Variants in PPM1H observed in about 807,000 individuals in gnomAD.
PPM1H encodes protein phosphatase 1H.
In PPM1H, 27 loss-of-function variants were observed where a neutral mutation model predicts 54.9. That is an observed-to-expected ratio of 0.49 (90% CI 0.36 to 0.68). PPM1H has a LOEUF of 0.68. Among genes scored for constraint, PPM1H ranks in the 30% least tolerant of loss-of-function variants. The pLI, the probability that PPM1H is intolerant of heterozygous loss-of-function variation, is 0.00. For missense variants in PPM1H, 596 were observed against 667.8 expected (o/e 0.89, Z 1.19); for synonymous variants, 305 against 270.8 (o/e 1.13, Z -1.24).
At chr12:62,894,448 T>C (rs1389472827) in intron 1 of PPM1H, among the ~76,000 whole-genome samples, 2 of 152,174 alleles carry the variant, frequency 1.3e-5, no homozygotes, top group Non-Finnish European at 2.9e-5. Context: ...TAGGGTTGTA[T>C]CAGAGAGTAG....
chr12:62,754,166 G>C (rs890851439), intron 4 of PPM1H, among the ~76,000 whole-genome samples: 1 of 152,234 alleles, frequency 6.6e-6, no homozygotes, highest in Non-Finnish European at 1.5e-5. Flanking sequence ...CATTGAAGAA[G>C]AGATGTGGCT....
intron 1 of PPM1H, among the ~76,000 whole-genome samples, chr12:62,932,099 TA>T (rs904292101): frequency 6.7e-6 from 1 of 149,216 alleles, no homozygotes; most frequent in African/African-American, 2.5e-5. Flanking sequence ...TTTTTTTTTT[TA>T]AATAGGTCTT....
chr12:62,673,713 C>CTTTTTT (rs1192243731), intron 8 of PPM1H, among the ~76,000 whole-genome samples: 2 of 47,568 alleles, frequency 4.2e-5, no homozygotes, highest in Non-Finnish European at 8.9e-5. Context: ...AGAAGAGCCA[C>CTTTTTT]TCTTTTTTTT....
intron 1 of PPM1H, among the ~76,000 whole-genome samples, chr12:62,848,529 T>C (rs1039835682): frequency 6.6e-6 from 1 of 152,214 alleles, no homozygotes; most frequent in Non-Finnish European, 1.5e-5. Context: ...TCTGGAGGAC[T>C]TCTTAAAACA....
intron 8 of PPM1H, among the ~76,000 whole-genome samples, chr12:62,671,326 G>T (rs935308875): frequency 6.6e-6 from 1 of 151,974 alleles, no homozygotes; most frequent in Non-Finnish European, 1.5e-5. Context: ...GCTCCTTCCC[G>T]GGTTCCCATC....
intron 1 of PPM1H, among the ~76,000 whole-genome samples, chr12:62,899,586 C>A (rs1871096300): frequency 6.6e-6 from 1 of 152,156 alleles, no homozygotes; most frequent in Admixed American, 6.5e-5. Flanking sequence ...TATTAAAGAG[C>A]TTTTATATGG....
chr12:62,794,597 G>A (rs541765580), intron 3 of PPM1H, among the ~76,000 whole-genome samples: 1 of 152,270 alleles, frequency 6.6e-6, no homozygotes, highest in South Asian at 2.1e-4. Context: ...TATGTCCAGA[G>A]CTCAAATCCC....
intron 1 of PPM1H, among the ~76,000 whole-genome samples, chr12:62,872,909 G>A (rs2121010892): frequency 6.6e-6 from 1 of 152,214 alleles, no homozygotes; most frequent in Non-Finnish European, 1.5e-5. Context: ...ACTACTTTCT[G>A]CATATAATAC....
chr12:62,766,911 C>A (rs750424852), intron 4 of PPM1H, among the ~76,000 whole-genome samples: 3 of 152,180 alleles, frequency 2.0e-5, no homozygotes, highest in Non-Finnish European at 4.4e-5. Context: ...TTCAGAAATA[C>A]CAAAAGGCAG....
At chr12:62,736,702 A>ATATC (rs2076351483) in intron 5 of PPM1H, among the ~76,000 whole-genome samples, 1 of 152,232 alleles carries the variant, frequency 6.6e-6, no homozygotes, top group Non-Finnish European at 1.5e-5. Context: ...CTAAGAGCAG[A>ATATC]TGGGCACTAC....
chr12:62,824,543 C>A (rs920313445), intron 2 of PPM1H, among the ~76,000 whole-genome samples: 1 of 152,108 alleles, frequency 6.6e-6, no homozygotes, highest in African/African-American at 2.4e-5. Context: ...GTACTGGTAC[C>A]AAAACAGAGA....
chr12:62,668,261 G>A (rs2075931788), intron 8 of PPM1H, among the ~76,000 whole-genome samples: 1 of 152,164 alleles, frequency 6.6e-6, no homozygotes, highest in African/African-American at 2.4e-5. Context: ...GGGTTTCACT[G>A]CTCTTCCCTC....
At position 62,647,389 on chromosome 12, in the gene PPM1H, A is replaced by C. The variant is rs2075791973; in HGVS notation, c.*1100T>G. ...GCTCCTTGACAGAACTCTGATCCTT[A>C]CACTTTGTTTGGAGTGGGCTTGGGG... On this transcript the variant is annotated 3_prime_UTR_variant, in exon 10 of 10. Coordinates refer to ENST00000228705, the MANE Select transcript of PPM1H (RefSeq NM_020700.2). 6.6e-6 allele frequency: 1 copy of C among 152,206 alleles called. No individual in the cohort carries two copies. Among genetic ancestry groups the C allele is most frequent in the African/African-American group, 2.4e-5 (1 of 41,466 alleles). The allele number at this position is 152,206 out of a possible 1,614,324, so 9.4% of individuals were successfully genotyped here. A position where few individuals can be genotyped will look rare whatever the true frequency, so the allele number is the denominator to read the frequency against.
intron 8 of PPM1H, among the ~76,000 whole-genome samples, chr12:62,671,079 T>G (rs1215262306): frequency 6.6e-6 from 1 of 152,124 alleles, no homozygotes; most frequent in Non-Finnish European, 1.5e-5. Context: ...TGACCTTCCC[T>G]CCCTGAAGCT....
rs1173229360 is a variant in PPM1H at position 62,658,182 on chromosome 12, A to ATTTTTTTT, written c.1397+8988_1397+8995dup. ...GAGACCAGCCTGGGTAACACGGTGA[A>ATTTTTTTT]TTTTTTTTTTTTTTTTTTTTTTTTT... On this transcript the variant is annotated intron_variant, in intron 9 of 9. Transcript: ENST00000228705. Among the ~76,000 whole-genome samples the ATTTTTTTT allele has an allele frequency of 4.8e-3, 416 of 87,502 alleles. 14 individuals are homozygous for ATTTTTTTT. Among genetic ancestry groups the ATTTTTTTT allele is most frequent in the African/African-American group, 0.016 (365 of 22,328 alleles). 57.4% of individuals were successfully genotyped at this position (87,502 alleles called of 152,430 possible). A position where few individuals can be genotyped will look rare whatever the true frequency, so the allele number is the denominator to read the frequency against.
chr12:62,901,496 A>G (rs1871162253), intron 1 of PPM1H, among the ~76,000 whole-genome samples: 1 of 152,198 alleles, frequency 6.6e-6, no homozygotes, highest in Admixed American at 6.5e-5. Flanking sequence ...GGGTAAAATT[A>G]TGTTTTTGTG....
chr12:62,891,350 CAG>C (rs1870790811), intron 1 of PPM1H, among the ~76,000 whole-genome samples: 1 of 152,150 alleles, frequency 6.6e-6, no homozygotes. Context: ...CATTAGTTTA[CAG>C]ACTGCTAAGA....
At chr12:62,729,617 C>T (rs2120496728) in intron 5 of PPM1H, among the ~76,000 whole-genome samples, 1 of 152,310 alleles carries the variant, frequency 6.6e-6, no homozygotes, top group South Asian at 2.1e-4. Context: ...GACCAGCACC[C>T]CATCATCAGC....
chr12:62,759,932 C>A (rs1264077226), intron 4 of PPM1H, among the ~76,000 whole-genome samples: 3 of 151,978 alleles, frequency 2.0e-5, no homozygotes, highest in Admixed American at 1.3e-4. Flanking sequence ...GGCAAGCACC[C>A]CCCATCCCTT....
Sources: allele counts gnomAD v4.1 joint callset (sites outside exome capture counted in the v4.1 genomes callset), GRCh38; gene constraint gnomAD v4.1.1; transcripts MANE v1.5; gene names NCBI Gene and HGNC (gene_info 2026-07-23, HGNC 2026-07-21).